KLC2: variants seen among roughly 807,000 people sequenced by gnomAD.
The protein encoded by KLC2 is kinesin light chain 2.
Under a neutral mutation model 75.1 loss-of-function variants are expected in KLC2, and 35 were observed. That is an observed-to-expected ratio of 0.47 (90% CI 0.36 to 0.62). The LOEUF (loss-of-function observed/expected upper bound fraction) is 0.62, where lower values mean the gene tolerates loss of function less well. Among genes scored for constraint, KLC2 ranks in the 20% least tolerant of loss-of-function variants. The probability of loss-of-function intolerance (pLI) is 0.00; values close to 1 mark genes in which losing one functional copy is unlikely to be tolerated. For missense variants in KLC2, 611 were observed against 833.2 expected, an observed-to-expected ratio of 0.73 and a Z score of 3.28; for synonymous variants, 314 against 336.7, an observed-to-expected ratio of 0.93 and a Z score of 0.74.
intron 15 of KLC2, 184 bp from the exon 16 acceptor site, chr11:66,266,689 C>A: frequency 1.2e-6 from 1 of 840,884 alleles, no homozygotes; most frequent in Non-Finnish European, 2.0e-6. Context: ...CCAGTGCTAA[C>A]ACCGTCACTG....
rs1565178863 is a variant in KLC2 at position 66,267,540 on chromosome 11, G to T, written c.*584G>T. The stretch of plus-strand genomic sequence containing the variant: ...CCTTCTCGCGCTCCTCCTGGCCTCT[G>T]AGGGATGCGTCCTACCCGCGCCATC... On this transcript the variant is annotated 3_prime_UTR_variant, in exon 16 of 16. Transcript: ENST00000394067. 3 of 651,620 alleles carry T rather than the reference G, an allele frequency of 4.6e-6. No individual in the cohort carries two copies. The highest frequency in any genetic ancestry group is 8.5e-6 in the Non-Finnish European group (3 of 351,834). 40.4% of individuals were successfully genotyped at this position (651,620 alleles called of 1,614,324 possible).
At chr11:66,245,447 G>C in the KLC2 span, among the ~76,000 whole-genome samples, 1 of 152,196 alleles carries the variant, frequency 6.6e-6, no homozygotes, top group Admixed American at 6.5e-5. Flanking sequence ...GCTGGGTGCG[G>C]TGGCTCACAC....
chr11:66,263,794 C>A, intron 6 of KLC2, 47 bp downstream of exon 6: 1 of 1,602,268 alleles, frequency 6.2e-7, no homozygotes. Flanking sequence ...CCATCCCCTG[C>A]AGGTCCCAGA....
At chr11:66,258,315 A>C in intron 1 of KLC2, 1 of 487,102 alleles carries the variant, frequency 2.1e-6, no homozygotes. Context: ...TCCCCGGGGA[A>C]ACCCGGACAC....
chr11:66,262,416 G>A, intron 4 of KLC2: 1 of 580,762 alleles, frequency 1.7e-6, no homozygotes, highest in Non-Finnish European at 3.1e-6. Context: ...CTGGCTTCCA[G>A]TGCTGCTCTG....
rs769722290 is a variant in KLC2, at chr11:66,258,622, GAGA to G, written c.31_33del (p.Lys11del). The G allele has an allele frequency of 1.2e-6, 2 of 1,613,590 alleles. No homozygotes were observed. Among genetic ancestry groups the G allele is most frequent in the South Asian group, 2.2e-5 (2 of 91,078 alleles). ...GGCCATGATGGTGTTTCCGCGGGAG[GAGA>G]AGCTGAGCCAGGATGAGATCGTGCT... On this transcript the variant is annotated inframe_deletion, in exon 2 of 16. Transcript: ENST00000394067.
Position 66,267,303 on chromosome 11 carries a change from C to T in KLC2, c.*347C>T. Reference sequence around the variant, plus strand: ...ACTCGCCGGCCCTTCGGCACCCTCGCCCTCCCTCCCGACTCAACCCGGCCG... The same window carrying T: ...ACTCGCCGGCCCTTCGGCACCCTCGTCCTCCCTCCCGACTCAACCCGGCCG... On this transcript the variant is annotated 3_prime_UTR_variant, in exon 16 of 16. Transcript: ENST00000394067. 1 of 919,538 alleles carries T rather than the reference C, an allele frequency of 1.1e-6. No homozygotes were observed. The highest frequency in any genetic ancestry group is 1.8e-6 in the Non-Finnish European group (1 of 570,266). 57.0% of individuals were successfully genotyped at this position (919,538 alleles called of 1,614,324 possible).
chr11:66,262,083 G>A, intron 3 of KLC2, 40 bp from the exon 4 acceptor site: 1 of 1,604,208 alleles, frequency 6.2e-7, no homozygotes, highest in Non-Finnish European at 8.5e-7. Context: ...CGGCTGCCCT[G>A]TGCCTCCTTC....
chr11:66,250,843 G>T, the KLC2 span, among the ~76,000 whole-genome samples: 1 of 152,262 alleles, frequency 6.6e-6, no homozygotes, highest in African/African-American at 2.4e-5. Flanking sequence ...CATGGGGATG[G>T]TGAGTGCCAG....
intron 14 of KLC2, 67 bp from the exon 15 acceptor site, chr11:66,266,366 C>A: frequency 1.3e-6 from 2 of 1,515,488 alleles, no homozygotes; most frequent in South Asian, 1.2e-5. Context: ...CAGCCCCACC[C>A]TTCTCCCTGC....
At chr11:66,252,222 A>C in the KLC2 span, among the ~76,000 whole-genome samples, 1 of 152,260 alleles carries the variant, frequency 6.6e-6, no homozygotes, top group Non-Finnish European at 1.5e-5. Context: ...GAGAATAAAC[A>C]ACCACTAGGA....
chr11:66,249,921 T>C, the KLC2 span, among the ~76,000 whole-genome samples: 1 of 152,182 alleles, frequency 6.6e-6, no homozygotes, highest in Non-Finnish European at 1.5e-5. Flanking sequence ...CTTCCTCGCA[T>C]AGAGTATCCT....
the KLC2 span, among the ~76,000 whole-genome samples, chr11:66,246,605 A>G: frequency 6.6e-6 from 1 of 152,078 alleles, no homozygotes; most frequent in South Asian, 2.1e-4. Flanking sequence ...GTATAGCTCA[A>G]TATCAAAGAC....
chr11:66,265,392 G>A lies in KLC2; in HGVS notation c.1334+157G>A, dbSNP rs1856751688. 19 of 728,714 alleles carry A rather than the reference G, an allele frequency of 2.6e-5. No individual in the cohort carries two copies. In the South Asian group the frequency reaches 3.4e-4, roughly 13 times the overall value. The allele number at this position is 728,714 out of a possible 1,614,324, so 45.1% of individuals were successfully genotyped here. A position where few individuals can be genotyped will look rare whatever the true frequency, so the allele number is the denominator to read the frequency against. ...AGAAGGCTCTGTCTCCCAATTCTCA[G>A]CCTAATTCTCTGGCTCTGGGTCTCC... is the stretch of plus-strand genomic sequence containing the variant. On this transcript the variant is annotated intron_variant, in intron 11 of 15. Coordinates refer to ENST00000394067, the MANE Select transcript of KLC2 (RefSeq NM_001318734.2).
Position 66,266,086 on chromosome 11 carries a change from C to CCTG in KLC2, c.1603-5_1603-3dup, listed in dbSNP as rs1194030058. 1 of 1,613,930 alleles carries CCTG rather than the reference C, an allele frequency of 6.2e-7. No homozygotes were observed. The highest frequency in any genetic ancestry group is 1.3e-5 in the African/African-American group (1 of 74,928). On this transcript the variant is annotated splice_polypyrimidine_tract_variant and splice_region_variant and intron_variant, in intron 13 of 15. Coordinates refer to ENST00000394067, the MANE Select transcript of KLC2 (RefSeq NM_001318734.2). Reference sequence around the variant, plus strand: ...CGGGGCCTAGAGGCAAGCCTGTCCACCTGCAGGATGGCAGTGGCTCCTTGA... The same window carrying CCTG: ...CGGGGCCTAGAGGCAAGCCTGTCCACCTGCTGCAGGATGGCAGTGGCTCCTTGA...
chr11:66,252,880 G>A (rs1369315047), upstream of KLC2, among the ~76,000 whole-genome samples: 1 of 152,124 alleles, frequency 6.6e-6, no homozygotes, highest in Non-Finnish European at 1.5e-5. Flanking sequence ...TGGCTCAGTG[G>A]CAGAAAGAAC....
At chr11:66,253,972 C>A (rs1180589979), upstream of KLC2, among the ~76,000 whole-genome samples, 2 of 152,222 alleles carry the variant, frequency 1.3e-5, no homozygotes, top group Admixed American at 1.3e-4. Context: ...GCTCCTTGGC[C>A]GGGCGCAGTG....
rs138133684 is a variant in KLC2 at position 66,258,114 on chromosome 11, G to T, written c.-12+243G>T. ...GTGGGCGTAGCCTGGAAGGACTGGG[G>T]GCCGCGTACTCAGCCCCTCTAGTGG... On this transcript the variant is annotated intron_variant, in intron 1 of 15. Coordinates refer to ENST00000394067, the MANE Select transcript of KLC2 (RefSeq NM_001318734.2). 327 of 159,262 alleles carry T rather than the reference G, an allele frequency of 2.1e-3. 2 individuals are homozygous for T. In the East Asian group the frequency reaches 0.034, roughly 17 times the overall value. 9.9% of individuals were successfully genotyped at this position (159,262 alleles called of 1,614,324 possible).
intron 4 of KLC2, 167 bp downstream of exon 4, chr11:66,262,359 C>T: frequency 1.6e-6 from 1 of 636,856 alleles, no homozygotes; most frequent in African/African-American, 1.8e-5. Context: ...CACATCCCCC[C>T]AGCTCTGTGG....
Sources: allele counts gnomAD v4.1 joint callset (sites outside exome capture counted in the v4.1 genomes callset), GRCh38; gene constraint gnomAD v4.1.1; transcripts MANE v1.5; gene names NCBI Gene and HGNC (gene_info 2026-07-23, HGNC 2026-07-21).